Variants in IMPG2 observed in about 807,000 individuals in gnomAD.
The protein encoded by IMPG2 is IPM 200.
IMPG2 carries 91 observed loss-of-function variants against 129.2 expected under a neutral mutation model. The ratio of observed to expected loss-of-function variants is 0.70; its 90% confidence interval spans 0.59 to 0.84. The LOEUF is 0.84. Ranked by LOEUF, IMPG2 falls within the 40% of genes least tolerant of loss-of-function variation. The pLI, the probability that IMPG2 is intolerant of heterozygous loss-of-function variation, is 0.00. For synonymous variants in IMPG2, 510 were observed against 517.7 expected (o/e 0.99, Z 0.20); for missense variants, 1,430 against 1,461.7 (o/e 0.98, Z 0.35).
intron 14 of IMPG2, among the ~76,000 whole-genome samples, chr3:101,240,008 G>T (rs972371916): frequency 6.6e-6 from 1 of 151,258 alleles, no homozygotes; most frequent in Non-Finnish European, 1.5e-5. Context: ...CATGGCACAC[G>T]TATACCTGTG....
chr3:101,237,246 C>A (rs1706357098), intron 14 of IMPG2, among the ~76,000 whole-genome samples: 1 of 152,180 alleles, frequency 6.6e-6, no homozygotes, highest in Admixed American at 6.5e-5. Flanking sequence ...ACTCCCCTCT[C>A]CCTGGGACAG....
At chr3:101,247,362 C>T (rs1048640770) in intron 11 of IMPG2, among the ~76,000 whole-genome samples, 3 of 152,170 alleles carry the variant, frequency 2.0e-5, no homozygotes, top group African/African-American at 4.8e-5. Context: ...CTTTGGGAGG[C>T]TGATGCAGGC....
Position 101,320,516 on chromosome 3 carries a change from A to G in IMPG2, c.-144T>C. 1 of 644,362 alleles carries G rather than the reference A, an allele frequency of 1.6e-6. No individual in the cohort carries two copies. The allele number at this position is 644,362 out of a possible 1,614,324, so 39.9% of individuals were successfully genotyped here. ...GAGAATGAACAACCACTTCAAAACCATTATAAATTAGCGGAAAGAAAAATG... is the reference window on the plus strand; with the variant it reads ...GAGAATGAACAACCACTTCAAAACCGTTATAAATTAGCGGAAAGAAAAATG... On this transcript the variant is annotated 5_prime_UTR_variant, in exon 1 of 19. The change abolishes an upstream ATG in the 5' untranslated region. Transcript: ENST00000193391.
chr3:101,277,902 A>C (rs1430755390), intron 4 of IMPG2, among the ~76,000 whole-genome samples: 1 of 152,238 alleles, frequency 6.6e-6, no homozygotes, highest in Non-Finnish European at 1.5e-5. Flanking sequence ...AAGATATTGG[A>C]TCAGTGGTGA....
intron 3 of IMPG2, among the ~76,000 whole-genome samples, chr3:101,299,052 G>GT (rs748274321): frequency 9.9e-5 from 15 of 151,724 alleles, no homozygotes; most frequent in Middle Eastern, 6.8e-3. Context: ...CATAGGTTTG[G>GT]TTTTTTTTAC....
chr3:101,319,927 T>C lies in IMPG2; in HGVS notation c.86-95A>G, dbSNP rs1379577417. On this transcript the variant is annotated intron_variant, in intron 1 of 18. Coordinates refer to ENST00000193391, the MANE Select transcript of IMPG2 (RefSeq NM_016247.4). ...AACTGACACTTGGGCTACATTAAGA[T>C]AGAGAAGCCAGTGCCCAAATCATAG... 5 of 1,348,878 alleles carry C rather than the reference T, an allele frequency of 3.7e-6. No homozygotes were observed. The East Asian group carries it at 9.2e-5, about 25-fold the overall frequency. 83.6% of individuals were successfully genotyped at this position (1,348,878 alleles called of 1,614,324 possible).
In IMPG2 at chr3:101,223,647, T is replaced by G. The variant is rs979801059; in HGVS notation, c.*3322A>C. ...TTTTAGAGCCTACAAAGAATATTTG[T>G]GCAGTTTCCAGCTTTTTGTTAGAGG... On this transcript the variant is annotated 3_prime_UTR_variant, in exon 19 of 19. Transcript: ENST00000193391. 1.3e-5 allele frequency: 2 copies of G among 152,234 alleles called. No homozygotes were observed. Among genetic ancestry groups the G allele is most frequent in the African/African-American group, 4.8e-5 (2 of 41,468 alleles). The allele number at this position is 152,234 out of a possible 1,614,324, so 9.4% of individuals were successfully genotyped here. A position where few individuals can be genotyped will look rare whatever the true frequency, so the allele number is the denominator to read the frequency against.
chr3:101,273,489 G>C lies in IMPG2; in HGVS notation c.828+92C>G. The C allele has an allele frequency of 3.7e-6, 5 of 1,367,272 alleles. No individual in the cohort carries two copies. The South Asian group carries it at 6.3e-5, about 17-fold the overall frequency. The allele number at this position is 1,367,272 out of a possible 1,614,324, so 84.7% of individuals were successfully genotyped here. ...CAGGAACCAAGTAGACAAACAATTT[G>C]AAACCTAAACCTATCTTTAAACAGT... On this transcript the variant is annotated intron_variant, in intron 7 of 18. Coordinates refer to ENST00000193391, the MANE Select transcript of IMPG2 (RefSeq NM_016247.4).
chr3:101,320,421 T>A lies in IMPG2; in HGVS notation c.-49A>T. On this transcript the variant is annotated 5_prime_UTR_variant, in exon 1 of 19. Transcript: ENST00000193391. ...GGAGAGGACAGAATCCTTAATTGAG[T>A]GTCCAAATCCTTGAAACTTCCAATA... 8.7e-7 allele frequency: 1 copy of A among 1,150,024 alleles called. No individual in the cohort carries two copies. Among genetic ancestry groups the A allele is most frequent in the Non-Finnish European group, 1.3e-6 (1 of 761,900 alleles). 71.2% of individuals were successfully genotyped at this position (1,150,024 alleles called of 1,614,324 possible). A position where few individuals can be genotyped will look rare whatever the true frequency, so the allele number is the denominator to read the frequency against.
At position 101,242,852 on chromosome 3, in the gene IMPG2, T is replaced by C. The variant is rs367769013; in HGVS notation, c.2858A>G (p.Asn953Ser). 9 of 1,613,950 alleles carry C rather than the reference T, an allele frequency of 5.6e-6. No individual in the cohort carries two copies. The highest frequency in any genetic ancestry group is 1.1e-5 in the South Asian group (1 of 91,078). Residue 953 changes from asparagine to serine, a missense_variant, in exon 14 of 19, where the codon AAC becomes AGC. Asn to Ser is a conservative substitution (Grantham distance 46). Coordinates refer to ENST00000193391, the MANE Select transcript of IMPG2 (RefSeq NM_016247.4). Reference protein sequence around the residue: ...LTGFQNLEILNFRNGSIVVNS... With the variant: ...LTGFQNLEILSFRNGSIVVNS... Reference sequence around the variant, plus strand: ...CACCACAATGCTGCCATTTCTGAAGTTGAGGATTTCTAAGTTCTGGAACCC... The same window carrying C: ...CACCACAATGCTGCCATTTCTGAAGCTGAGGATTTCTAAGTTCTGGAACCC...
intron 2 of IMPG2, among the ~76,000 whole-genome samples, chr3:101,304,615 T>C (rs1448547359): frequency 6.6e-6 from 1 of 152,212 alleles, no homozygotes; most frequent in African/African-American, 2.4e-5. Flanking sequence ...AAAGTGGAGC[T>C]GATATTGAGT....
chr3:101,315,882 C>G (rs538520), intron 2 of IMPG2, among the ~76,000 whole-genome samples: 2 of 150,546 alleles, frequency 1.3e-5, no homozygotes, highest in African/African-American at 4.9e-5. Flanking sequence ...TGATTCAAGA[C>G]CTATAATAAA....
rs142746312 is a variant in IMPG2, at chr3:101,293,067, G to A, written c.502-1557C>T. On this transcript the variant is annotated intron_variant, in intron 3 of 18. Transcript: ENST00000193391. ...GTCATCCATGAGAGTCGGAATCAAC[G>A]TCTTCCAAATCCCTATTAATGTTGG... Among the ~76,000 whole-genome samples the A allele has an allele frequency of 2.7e-3, 408 of 152,192 alleles. 1 individual carries two copies. Among genetic ancestry groups the A allele is most frequent in the African/African-American group, 9.2e-3 (384 of 41,530 alleles).
intron 4 of IMPG2, among the ~76,000 whole-genome samples, chr3:101,280,156 T>C (rs1454142782): frequency 6.6e-6 from 1 of 152,222 alleles, no homozygotes; most frequent in Non-Finnish European, 1.5e-5. Context: ...CAGCACATTA[T>C]TCATTCTTCA....
intron 3 of IMPG2, among the ~76,000 whole-genome samples, chr3:101,300,498 G>T (rs900247051): frequency 3.9e-5 from 6 of 152,228 alleles, no homozygotes; most frequent in African/African-American, 1.4e-4. Flanking sequence ...TGGTTCTGTG[G>T]TTGGGACCCT....
intron 11 of IMPG2, among the ~76,000 whole-genome samples, chr3:101,249,863 C>T (rs1376293088): frequency 6.6e-6 from 1 of 150,662 alleles, no homozygotes; most frequent in African/African-American, 2.4e-5. Flanking sequence ...TTTAGGAGCA[C>T]GCAAGTCTGG....
At chr3:101,231,393 A>C (rs1037858373) in intron 15 of IMPG2, among the ~76,000 whole-genome samples, 2 of 152,252 alleles carry the variant, frequency 1.3e-5, no homozygotes, top group Non-Finnish European at 2.9e-5. Context: ...AAATAGGTTT[A>C]AGGAAATTAT....
intron 14 of IMPG2, 26 bp from the exon 15 acceptor site, chr3:101,233,017 C>T (rs1415840903): frequency 1.2e-5 from 20 of 1,604,680 alleles, no homozygotes; most frequent in Non-Finnish European, 1.7e-5. Flanking sequence ...AAGAATAATG[C>T]AAGAAAAGGC....
At chr3:101,239,058 T>C (rs917196413) in intron 14 of IMPG2, among the ~76,000 whole-genome samples, 2 of 151,998 alleles carry the variant, frequency 1.3e-5, no homozygotes, top group Non-Finnish European at 2.9e-5. Context: ...CCAAAAGCAA[T>C]GGCAACAAAA....
Sources: gnomAD v4.1 joint callset for allele counts (sites outside exome capture counted in the v4.1 genomes callset) on GRCh38, gnomAD v4.1.1 for gene constraint, MANE v1.5 for transcripts, NCBI Gene and HGNC (gene_info 2026-07-23, HGNC 2026-07-21) for gene names.